The following RAB11FIP4 variants were observed in gnomAD, a reference collection of about 807,000 sequenced individuals.
RAB11FIP4 encodes rab11 family-interacting protein 4.
Under a neutral mutation model 74.3 loss-of-function variants are expected in RAB11FIP4, and 23 were observed. The observed-to-expected ratio is 0.31, with a 90% CI of 0.22 to 0.44. The LOEUF is 0.44. Among genes scored for constraint, RAB11FIP4 ranks in the 20% least tolerant of loss-of-function variants. The probability of loss-of-function intolerance (pLI) is 1.00; values close to 1 mark genes in which losing one functional copy is unlikely to be tolerated. For missense variants in RAB11FIP4, 630 were observed against 863.9 expected (o/e 0.73, Z 3.39); for synonymous variants, 360 against 359.9 (o/e 1.00, Z 0.00).
At chr17:31,395,624 C>A (rs1488242288) in intron 1 of RAB11FIP4, among the ~76,000 whole-genome samples, 1 of 152,142 alleles carries the variant, frequency 6.6e-6, no homozygotes, top group Non-Finnish European at 1.5e-5. Flanking sequence ...CTACAAAATG[C>A]CTGATTAGGA....
chr17:31,416,714 T>C (rs2071151495), intron 1 of RAB11FIP4, among the ~76,000 whole-genome samples: 1 of 152,130 alleles, frequency 6.6e-6, no homozygotes. Context: ...GGGACAGAGC[T>C]AGGGGCAGTT....
chr17:31,488,196 A>T, intron 3 of RAB11FIP4: 1 of 1,099,286 alleles, frequency 9.1e-7, no homozygotes, highest in Non-Finnish European at 1.1e-6. Context: ...CGCGCCGCCG[A>T]CCCGCGCCCG....
chr17:31,514,353 C>T (rs1296503017), intron 3 of RAB11FIP4, among the ~76,000 whole-genome samples: 1 of 152,222 alleles, frequency 6.6e-6, no homozygotes, highest in East Asian at 1.9e-4. Context: ...ACGTCAGACA[C>T]CTGAGGAGCA....
intron 3 of RAB11FIP4, among the ~76,000 whole-genome samples, chr17:31,485,973 C>T (rs969962927): frequency 6.6e-6 from 1 of 151,986 alleles, no homozygotes; most frequent in Non-Finnish European, 1.5e-5. Context: ...CAGTGGCTCA[C>T]GCCTGTAATC....
At chr17:31,527,480 A>G (rs922773908) in intron 10 of RAB11FIP4, 6 of 200,392 alleles carry the variant, frequency 3.0e-5, no homozygotes, top group African/African-American at 1.4e-4. Context: ...GCATGCCTCT[A>G]ATCCCAGCTA....
intron 3 of RAB11FIP4, among the ~76,000 whole-genome samples, chr17:31,477,951 G>A (rs942157860): frequency 3.3e-5 from 5 of 151,892 alleles, no homozygotes; most frequent in South Asian, 2.1e-4. Context: ...GCACTAGAAC[G>A]GAGCTTGTAT....
In RAB11FIP4 at chr17:31,523,935, A is replaced by G; in HGVS notation, c.1072A>G (p.Ser358Gly). ...GAAGGTGACAGAGCTGGAGAATGAC[A>G]GCCTGACCAATGGGGACCTGAAGAG... ...EKKVTELENDSLTNGDLKSKL... is the reference protein window; with the variant it reads ...EKKVTELENDGLTNGDLKSKL... Residue 358 changes from serine (S) to glycine (G), a missense_variant, in exon 9 of 15, where the codon AGC becomes GGC. Coordinates refer to ENST00000621161, the MANE Select transcript of RAB11FIP4 (RefSeq NM_032932.6). 12 of 1,612,684 alleles carry G rather than the reference A, an allele frequency of 7.4e-6. No individual in the cohort carries two copies. The highest frequency in any genetic ancestry group is 1.0e-5 in the Non-Finnish European group (12 of 1,179,584).
chr17:31,393,492 G>A (rs1479596992), intron 1 of RAB11FIP4, among the ~76,000 whole-genome samples: 1 of 152,172 alleles, frequency 6.6e-6, no homozygotes, highest in Non-Finnish European at 1.5e-5. Flanking sequence ...AACAACCTCT[G>A]GCAGGGGCCA....
rs890477590 is a variant in RAB11FIP4 at position 31,434,054 on chromosome 17, G to A, written c.268G>A (p.Asp90Asn). The A allele has an allele frequency of 1.5e-5, 24 of 1,586,564 alleles. No individual in the cohort carries two copies. The highest frequency in any genetic ancestry group is 2.0e-5 in the Non-Finnish European group (23 of 1,174,334). The part of the protein sequence containing the change: ...AMKGCEELLK[D>N]VLSVESAGTL... ...CGCAGGGTGCGAGGAGCTGCTGAAGGATGTGCTGTCGGTGGAGAGCGCGGG... is the reference window on the plus strand; with the variant it reads ...CGCAGGGTGCGAGGAGCTGCTGAAGAATGTGCTGTCGGTGGAGAGCGCGGG... Residue 90 changes from aspartate to asparagine, a missense_variant, in exon 3 of 15, where the codon GAT becomes AAT. By Grantham distance (23) the Asp-to-Asn change is conservative. Transcript: ENST00000621161.
intron 6 of RAB11FIP4, 69 bp from the exon 7 acceptor site, chr17:31,522,291 C>T: frequency 6.6e-7 from 1 of 1,518,330 alleles, no homozygotes; most frequent in Non-Finnish European, 9.1e-7. Flanking sequence ...TGGTGTCTTA[C>T]AGCTAGGACA....
At chr17:31,415,426 G>T (rs1238250537) in intron 1 of RAB11FIP4, among the ~76,000 whole-genome samples, 2 of 152,160 alleles carry the variant, frequency 1.3e-5, no homozygotes, top group Admixed American at 6.5e-5. Context: ...CCCACTCCAA[G>T]GTCCCCAAGC....
chr17:31,455,348 T>C (rs1031626218), intron 3 of RAB11FIP4, among the ~76,000 whole-genome samples: 5 of 152,268 alleles, frequency 3.3e-5, no homozygotes, highest in Non-Finnish European at 5.9e-5. Context: ...AACCTCCCCA[T>C]TGGATTTATT....
chr17:31,403,526 G>C (rs1377824752), intron 1 of RAB11FIP4, among the ~76,000 whole-genome samples: 1 of 152,074 alleles, frequency 6.6e-6, no homozygotes, highest in Non-Finnish European at 1.5e-5. Context: ...GTTTCACCAT[G>C]TTGGCCAGGA....
At chr17:31,456,978 C>T (rs1220498091) in intron 3 of RAB11FIP4, among the ~76,000 whole-genome samples, 1 of 152,032 alleles carries the variant, frequency 6.6e-6, no homozygotes, top group Non-Finnish European at 1.5e-5. Context: ...CAAGAGTAAA[C>T]AAGGCTTGAA....
chr17:31,497,061 A>C (rs1166457108), intron 3 of RAB11FIP4, among the ~76,000 whole-genome samples: 1 of 152,140 alleles, frequency 6.6e-6, no homozygotes, highest in Non-Finnish European at 1.5e-5. Context: ...CCTTGTTCTC[A>C]AATGTTTAAG....
chr17:31,500,549 G>T (rs978011529), intron 3 of RAB11FIP4, among the ~76,000 whole-genome samples: 3 of 152,208 alleles, frequency 2.0e-5, no homozygotes, highest in Admixed American at 1.3e-4. Flanking sequence ...GCTAACTGCT[G>T]ATTTATTCTC....
intron 3 of RAB11FIP4, among the ~76,000 whole-genome samples, chr17:31,440,694 G>A (rs1050145550): frequency 5.9e-5 from 9 of 152,196 alleles, no homozygotes; most frequent in African/African-American, 2.2e-4. Context: ...ACTTGAACCC[G>A]GGAGGCGGAG....
chr17:31,467,939 T>C (rs1305818501), intron 3 of RAB11FIP4, among the ~76,000 whole-genome samples: 4 of 152,220 alleles, frequency 2.6e-5, no homozygotes, highest in Non-Finnish European at 5.9e-5. Context: ...TGCCAGCTCC[T>C]GTTTGCCCTT....
intron 3 of RAB11FIP4, among the ~76,000 whole-genome samples, chr17:31,505,629 A>AT (rs1227579119): frequency 2.7e-5 from 2 of 74,150 alleles, no homozygotes; most frequent in East Asian, 2.4e-4. Flanking sequence ...ATATATAATT[A>AT]TATAATAATA....
Sources: gnomAD v4.1 joint callset for allele counts (sites outside exome capture counted in the v4.1 genomes callset) on GRCh38, gnomAD v4.1.1 for gene constraint, MANE v1.5 for transcripts, NCBI Gene and HGNC (gene_info 2026-07-23, HGNC 2026-07-21) for gene names.